The following PDCD6IP variants were observed in gnomAD, a reference collection of about 807,000 sequenced individuals.
PDCD6IP encodes programmed cell death 6 interacting protein.
In PDCD6IP, 43 loss-of-function variants were observed where a neutral mutation model predicts 103.7. That is an observed-to-expected ratio of 0.41 (90% CI 0.32 to 0.53). The LOEUF is 0.53. Ranked by LOEUF, PDCD6IP falls within the 20% of genes least tolerant of loss-of-function variation. The probability of loss-of-function intolerance (pLI) is 0.16; values close to 1 mark genes in which losing one functional copy is unlikely to be tolerated. For missense variants in PDCD6IP, 871 were observed against 1,036.7 expected, an observed-to-expected ratio of 0.84 and a Z score of 2.20; for synonymous variants, 354 against 378.7, an observed-to-expected ratio of 0.93 and a Z score of 0.76.
At chr3:33,842,137 A>T in intron 10 of PDCD6IP, 63 bp downstream of exon 10, 2 of 1,000,454 alleles carry the variant, frequency 2.0e-6, no homozygotes, top group Non-Finnish European at 3.0e-6. Context: ...TCCAGCAGGG[A>T]TTGGGACTGG....
At chr3:33,847,514 A>G (rs1357027624) in intron 12 of PDCD6IP, among the ~76,000 whole-genome samples, 1 of 146,338 alleles carries the variant, frequency 6.8e-6, no homozygotes, top group African/African-American at 2.5e-5. Flanking sequence ...CAGACTGGTT[A>G]TAATAGTTGA....
At chr3:33,799,009 C>T (rs562748731) in intron 1 of PDCD6IP, 72 bp downstream of exon 1, 4 of 1,340,926 alleles carry the variant, frequency 3.0e-6, no homozygotes, top group South Asian at 2.8e-5. Flanking sequence ...CGTCTCCCCC[C>T]TTCCTTCAAT....
At position 33,855,214 on chromosome 3, in the gene PDCD6IP, A is replaced by G. The variant is rs982420381; in HGVS notation, c.2074A>G (p.Ser692Gly). The change falls in exon 15 of 18, where the codon AGT becomes GGT. Residue 692 changes from serine to glycine, a missense_variant. Physicochemically the swap from Ser to Gly is moderately conservative, Grantham distance 56 (BLOSUM62 0). Around this residue, in one of 5 missense-constraint regions of PDCD6IP, gnomAD observed 266 missense variants for 390.5 expected, o/e 0.68. Coordinates refer to ENST00000307296, the MANE Select transcript of PDCD6IP (RefSeq NM_013374.6). ...CCTGGTCAGGTTCCAGAACAAATGC[A>G]GTGATATAGTTTTTGCACGGAAGAC... The part of the protein sequence containing the change: ...EILVRFQNKC[S>G]DIVFARKTER... 1.9e-6 allele frequency: 3 copies of G among 1,611,690 alleles called. No individual in the cohort carries two copies. Among genetic ancestry groups the G allele is most frequent in the African/African-American group, 2.7e-5 (2 of 74,880 alleles).
At chr3:33,840,233 A>G (rs1697438818) in intron 9 of PDCD6IP, among the ~76,000 whole-genome samples, 1 of 152,212 alleles carries the variant, frequency 6.6e-6, no homozygotes, top group South Asian at 2.1e-4. Context: ...CTATTAAGAA[A>G]ATCATAAGGA....
Position 33,829,484 on chromosome 3 carries a change from C to CATAT in PDCD6IP, c.834+527_834+530dup, listed in dbSNP as rs60580027. Among the ~76,000 whole-genome samples, 242 of 150,048 alleles carry CATAT rather than the reference C, an allele frequency of 1.6e-3. 3 individuals are homozygous for CATAT. Among genetic ancestry groups the CATAT allele is most frequent in the East Asian group, 0.014 (71 of 5,086 alleles). On this transcript the variant is annotated intron_variant, in intron 7 of 17. Coordinates refer to ENST00000307296, the MANE Select transcript of PDCD6IP (RefSeq NM_013374.6). ...GGACGACAGTGGAGAGATGTGTGTG[C>CATAT]ATATATATATATATACACACATATA...
At chr3:33,803,110 T>G (rs1175017667) in intron 1 of PDCD6IP, among the ~76,000 whole-genome samples, 2 of 152,242 alleles carry the variant, frequency 1.3e-5, no homozygotes, top group Non-Finnish European at 1.5e-5. Context: ...CATGTTCATG[T>G]ACATCTTTTA....
chr3:33,861,410 G>A (rs1196080329), intron 15 of PDCD6IP, among the ~76,000 whole-genome samples: 2 of 151,934 alleles, frequency 1.3e-5, no homozygotes, highest in Non-Finnish European at 2.9e-5. Flanking sequence ...CAAAGTGCTG[G>A]GATTACAGGC....
chr3:33,826,270 C>G (rs1339331751), intron 5 of PDCD6IP, among the ~76,000 whole-genome samples: 9 of 151,992 alleles, frequency 5.9e-5, no homozygotes, highest in Non-Finnish European at 5.9e-5. Context: ...AAGCCATGTA[C>G]CCATTAGCAG....
intron 1 of PDCD6IP, among the ~76,000 whole-genome samples, chr3:33,801,746 AC>A (rs1359616759): frequency 6.6e-6 from 1 of 152,160 alleles, no homozygotes. Flanking sequence ...TCAAATGGGA[AC>A]CCTGCTGGTT....
chr3:33,828,709 C>T, intron 6 of PDCD6IP, 144 bp from the exon 7 acceptor site: 2 of 673,116 alleles, frequency 3.0e-6, no homozygotes, highest in South Asian at 3.1e-5. Context: ...TCTCTGTTTA[C>T]ACCTAATGAC....
Position 33,804,043 on chromosome 3 carries a change from G to C in PDCD6IP, c.209+5106G>C, listed in dbSNP as rs374368625. 2.0e-5 allele frequency among the ~76,000 whole-genome samples: 3 copies of C among 152,110 alleles called. No homozygotes were observed. The South Asian group carries it at 6.2e-4, about 32-fold the overall frequency. On this transcript the variant is annotated intron_variant, in intron 1 of 17. Coordinates refer to ENST00000307296, the MANE Select transcript of PDCD6IP (RefSeq NM_013374.6). ...AAATGTTCTGTTTTACTTCATAACT[G>C]TTGTTTGGATTCTCGTTGTTGGTTT...
At chr3:33,835,725 A>C (rs1697331846) in intron 7 of PDCD6IP, among the ~76,000 whole-genome samples, 1 of 152,198 alleles carries the variant, frequency 6.6e-6, no homozygotes, top group Non-Finnish European at 1.5e-5. Context: ...GTCTAAAAAA[A>C]AAGAAGGAAA....
chr3:33,860,317 A>G (rs1697924807), intron 15 of PDCD6IP, among the ~76,000 whole-genome samples: 1 of 152,236 alleles, frequency 6.6e-6, no homozygotes, highest in Non-Finnish European at 1.5e-5. Flanking sequence ...TAATAATATT[A>G]GCTTTTGAAT....
chr3:33,845,953 T>C (rs1421363633), intron 12 of PDCD6IP, among the ~76,000 whole-genome samples: 1 of 152,250 alleles, frequency 6.6e-6, no homozygotes, highest in Non-Finnish European at 1.5e-5. Context: ...TACATTATTC[T>C]ATACTCCTTT....
rs1697538471 is a variant in PDCD6IP at position 33,844,175 on chromosome 3, C to T, written c.1423C>T (p.Arg475Cys). 1.1e-5 allele frequency: 18 copies of T among 1,606,146 alleles called. No individual in the cohort carries two copies. The highest frequency in any genetic ancestry group is 1.4e-5 in the Non-Finnish European group (17 of 1,178,104). ...DNDLRAKFKE[R>C]WQRTPSNELY... ...TGATTTAAGAGCAAAATTTAAGGAACGTTGGCAAAGGACACCATCCAATGA... is the reference window on the plus strand; with the variant it reads ...TGATTTAAGAGCAAAATTTAAGGAATGTTGGCAAAGGACACCATCCAATGA... Residue 475 changes from arginine to cysteine, a missense_variant, in exon 11 of 18, where the codon CGT becomes TGT. By Grantham distance (180) the Arg-to-Cys change is radical. This residue lies in a region of PDCD6IP where 266 missense variants were observed against 390.5 expected (regional missense o/e 0.68). Coordinates refer to ENST00000307296, the MANE Select transcript of PDCD6IP (RefSeq NM_013374.6).
At chr3:33,853,788 A>T in intron 13 of PDCD6IP, 91 bp from the exon 14 acceptor site, 2 of 1,099,066 alleles carry the variant, frequency 1.8e-6, no homozygotes, top group Non-Finnish European at 2.4e-6. Context: ...ATTACATATG[A>T]TTTTCATAAT....
At chr3:33,847,449 G>A (rs975280169) in intron 12 of PDCD6IP, among the ~76,000 whole-genome samples, 4 of 152,112 alleles carry the variant, frequency 2.6e-5, no homozygotes, top group Admixed American at 6.5e-5. Context: ...CTGTATATTC[G>A]TTTGTCATGT....
Position 33,866,483 on chromosome 3 carries a change from C to G in PDCD6IP, c.2565C>G (p.Pro855=). 6.2e-7 allele frequency: 1 copy of G among 1,611,594 alleles called. No individual in the cohort carries two copies. The change falls in exon 18 of 18, where the codon CCC becomes CCG. Residue 855 remains proline (P), a synonymous_variant. Transcript: ENST00000307296. ...CGGGACCCCAGCAGCCTTCATACCC[C>G]TTCCCTCAGCCCCCACAGCAGTCTT... ...PYPGPQQPSY[P]FPQPPQQSYY...
chr3:33,849,408 G>A (rs1697665784), intron 12 of PDCD6IP, among the ~76,000 whole-genome samples: 1 of 151,936 alleles, frequency 6.6e-6, no homozygotes, highest in Non-Finnish European at 1.5e-5. Context: ...TTCTATTTTT[G>A]TGTATTTGTT....
Sources: allele counts gnomAD v4.1 joint callset (sites outside exome capture counted in the v4.1 genomes callset), GRCh38; gene constraint gnomAD v4.1.1; regional missense constraint gnomAD v4.1.1; transcripts MANE v1.5; gene names NCBI Gene and HGNC (gene_info 2026-07-23, HGNC 2026-07-21).